Variants in PHF20 observed in about 807,000 individuals in gnomAD.
PHF20 encodes glioma-expressed antigen 2.
In PHF20, 23 loss-of-function variants were observed where a neutral mutation model predicts 113.5. The observed-to-expected ratio is 0.20, with a 90% CI of 0.15 to 0.29. The LOEUF (loss-of-function observed/expected upper bound fraction) is 0.29. Ranked by LOEUF, PHF20 falls within the 10% of genes least tolerant of loss-of-function variation. The probability of loss-of-function intolerance (pLI) is 1.00; values close to 1 mark genes in which losing one functional copy is unlikely to be tolerated. For synonymous variants in PHF20, 434 were observed against 457.3 expected (o/e 0.95, Z 0.65); for missense variants, 943 against 1,219.6 (o/e 0.77, Z 3.38).
chr20:35,891,056 T>C (rs2054840780), intron 9 of PHF20, among the ~76,000 whole-genome samples: 1 of 152,148 alleles, frequency 6.6e-6, no homozygotes, highest in East Asian at 1.9e-4. Context: ...GACAGTACAC[T>C]AACATAAGTA....
At chr20:35,923,996 CCCTT>C (rs1046961019) in intron 13 of PHF20, among the ~76,000 whole-genome samples, 32 of 151,962 alleles carry the variant, frequency 2.1e-4, no homozygotes, top group South Asian at 4.2e-4. Context: ...CCTCAAATGA[CCCTT>C]CCTCCTCAGC....
intron 3 of PHF20, among the ~76,000 whole-genome samples, chr20:35,845,892 T>C (rs2042615411): frequency 1.3e-5 from 2 of 151,722 alleles, no homozygotes; most frequent in Admixed American, 1.3e-4. Context: ...TCTCGAGTCT[T>C]AGCTTTCTGA....
chr20:35,838,248 G>A (rs1220507204), intron 2 of PHF20: 2 of 152,160 alleles, frequency 1.3e-5, no homozygotes, highest in Non-Finnish European at 2.9e-5. Flanking sequence ...TTTAAAATAA[G>A]TATGTAATTA....
At chr20:35,890,146 G>T (rs1007683148) in intron 9 of PHF20, among the ~76,000 whole-genome samples, 1 of 152,068 alleles carries the variant, frequency 6.6e-6, no homozygotes, top group African/African-American at 2.4e-5. Context: ...TCCTGCCTCA[G>T]TCTCCTGAGT....
At chr20:35,865,267 G>A (rs1323502803) in intron 6 of PHF20, among the ~76,000 whole-genome samples, 1 of 151,808 alleles carries the variant, frequency 6.6e-6, no homozygotes, top group Non-Finnish European at 1.5e-5. Flanking sequence ...TTGGGAGGCT[G>A]ATGAGGGAGG....
chr20:35,948,263 T>G lies in PHF20; in HGVS notation c.*636T>G, dbSNP rs1156837095. 2 of 152,838 alleles carry G rather than the reference T, an allele frequency of 1.3e-5. No homozygotes were observed. Among genetic ancestry groups the G allele is most frequent in the South Asian group, 2.1e-4 (1 of 4,836 alleles). 9.5% of individuals were successfully genotyped at this position (152,838 alleles called of 1,614,324 possible). A position where few individuals can be genotyped will look rare whatever the true frequency, so the allele number is the denominator to read the frequency against. On this transcript the variant is annotated 3_prime_UTR_variant, in exon 18 of 18. Transcript: ENST00000374012. ...CCCCAGAGCTGGCTGGGTTATGGCT[T>G]TTGTAGCAGAGCCCATACAGCCTAT...
rs1183422132 is a variant in PHF20 at position 35,939,035 on chromosome 20, C to T, written c.2639C>T (p.Ser880Phe). The change falls in exon 16 of 18, where the codon TCC becomes TTC. Residue 880 changes from serine to phenylalanine, a missense_variant. Physicochemically the swap from Ser to Phe is radical, Grantham distance 155. Around this residue, in one of 3 missense-constraint regions of PHF20, gnomAD observed 349 missense variants for 412.3 expected, o/e 0.85. Transcript: ENST00000374012. ...PLHENGDDSL[S>F]PRLGWPLDQD... is the part of the protein sequence containing the mutation. The stretch of plus-strand genomic sequence containing the variant: ...CATGAGAACGGCGATGATTCCCTTT[C>T]CCCGCGCCTGGGCTGGCCTCTAGAC... The T allele has an allele frequency of 1.2e-6, 2 of 1,614,162 alleles. No homozygotes were observed. Among genetic ancestry groups the T allele is most frequent in the Admixed American group, 1.7e-5 (1 of 60,018 alleles).
At chr20:35,913,950 G>T (rs1035420617) in intron 11 of PHF20, 83 bp from the exon 12 acceptor site, 32 of 1,355,418 alleles carry the variant, frequency 2.4e-5, no homozygotes, top group Non-Finnish European at 3.2e-5. Context: ...TGAAAAGGAG[G>T]CTTGTTGGTT....
chr20:35,798,379 G>C (rs545140413), intron 1 of PHF20, among the ~76,000 whole-genome samples: 221 of 152,290 alleles, frequency 1.5e-3, no homozygotes, highest in African/African-American at 5.1e-3. Context: ...AGCCACTGTA[G>C]ACCAGCCTGA....
At chr20:35,913,096 A>T (rs2055337327) in intron 10 of PHF20, among the ~76,000 whole-genome samples, 153 bp from the exon 11 acceptor site, 1 of 152,150 alleles carries the variant, frequency 6.6e-6, no homozygotes, top group Admixed American at 6.5e-5. Context: ...AGGCTAAGTG[A>T]TGGAGGCGTG....
Position 35,917,549 on chromosome 20 carries a change from G to C in PHF20, c.1891G>C (p.Asp631His). ...FLWSDDEYGQ[D>H]VDVTTNPDEE... ...CTGGAGTGATGATGAGTATGGCCAA[G>C]ATGTGGATGTGACCACCAACCCAGA... Residue 631 changes from aspartate (D) to histidine (H), a missense_variant, in exon 13 of 18, where the codon GAT (aspartate) becomes CAT (histidine). Physicochemically the swap from Asp to His is moderately conservative, Grantham distance 81 (BLOSUM62 -1). Transcript: ENST00000374012. 1 of 1,614,114 alleles carries C rather than the reference G, an allele frequency of 6.2e-7. No individual in the cohort carries two copies. Among genetic ancestry groups the C allele is most frequent in the Non-Finnish European group, 8.5e-7 (1 of 1,179,982 alleles).
intron 9 of PHF20, among the ~76,000 whole-genome samples, chr20:35,892,809 A>G (rs887131966): frequency 6.6e-6 from 1 of 152,158 alleles, no homozygotes; most frequent in Non-Finnish European, 1.5e-5. Flanking sequence ...ACTGGCTTAT[A>G]ATCAGAAGAG....
At chr20:35,834,195 T>A (rs2042400075) in intron 2 of PHF20, among the ~76,000 whole-genome samples, 3 of 151,256 alleles carry the variant, frequency 2.0e-5, no homozygotes, top group Admixed American at 2.0e-4. Context: ...GCCTCTCTTC[T>A]GTCTAGTCCT....
chr20:35,793,301 C>CTTT (rs755495559), intron 1 of PHF20, among the ~76,000 whole-genome samples: 2 of 139,936 alleles, frequency 1.4e-5, no homozygotes, highest in East Asian at 2.1e-4. Context: ...CTTTCTTTTT[C>CTTT]TTTTTTTTTT....
chr20:35,915,052 A>T (rs913997938), intron 12 of PHF20, among the ~76,000 whole-genome samples: 17 of 146,518 alleles, frequency 1.2e-4, no homozygotes, highest in Admixed American at 6.2e-4. Context: ...AAAATGTTTT[A>T]TATATATATA....
intron 2 of PHF20, among the ~76,000 whole-genome samples, chr20:35,811,106 G>A (rs545268571): frequency 2.4e-4 from 36 of 152,188 alleles, no homozygotes; most frequent in Non-Finnish European, 4.3e-4. Flanking sequence ...GAGTGCAGTG[G>A]CGTGATCTCG....
chr20:35,775,957 C>T (rs573243665), intron 1 of PHF20, among the ~76,000 whole-genome samples: 1 of 151,830 alleles, frequency 6.6e-6, no homozygotes, highest in Non-Finnish European at 1.5e-5. Flanking sequence ...ACCACTGGCA[C>T]GTGCCACCAC....
At chr20:35,946,711 T>C (rs2056091878) in intron 17 of PHF20, among the ~76,000 whole-genome samples, 1 of 150,702 alleles carries the variant, frequency 6.6e-6, no homozygotes, top group Non-Finnish European at 1.5e-5. Flanking sequence ...TTTTATTATT[T>C]TATTTATTTT....
intron 14 of PHF20, 90 bp downstream of exon 14, chr20:35,927,969 G>T: frequency 1.1e-6 from 1 of 911,704 alleles, no homozygotes; most frequent in East Asian, 2.4e-5. Context: ...CTGCGGTCTT[G>T]AGACTCATTT....
Sources: allele counts gnomAD v4.1 joint callset (sites outside exome capture counted in the v4.1 genomes callset), GRCh38; gene constraint gnomAD v4.1.1; regional missense constraint gnomAD v4.1.1; transcripts MANE v1.5; gene names NCBI Gene and HGNC (gene_info 2026-07-23, HGNC 2026-07-21).